Variants in CATSPERD observed in about 807,000 individuals in gnomAD.
CATSPERD encodes cation channel sperm-associated auxiliary subunit delta.
A neutral mutation model predicts 98.1 loss-of-function variants in CATSPERD; 86 were observed. That is an observed-to-expected ratio of 0.88 (90% confidence interval 0.74 to 1.05). CATSPERD has a LOEUF of 1.05. Ranked by LOEUF, CATSPERD falls within the 50% of genes least tolerant of loss-of-function variation. The pLI is 0.00. For synonymous variants in CATSPERD, 394 were observed against 390.2 expected, an observed-to-expected ratio of 1.01 and a Z score of -0.12; for missense variants, 995 against 1,005.7, an observed-to-expected ratio of 0.99 and a Z score of 0.14.
intron 11 of CATSPERD, among the ~76,000 whole-genome samples, chr19:5,750,649 G>A (rs1161684407): frequency 6.6e-6 from 1 of 151,474 alleles, no homozygotes; most frequent in African/African-American, 2.4e-5. Context: ...GCAGGAGAAT[G>A]GCTTGAACCC....
At chr19:5,756,982 G>A (rs938620333) in intron 13 of CATSPERD, among the ~76,000 whole-genome samples, 1 of 151,584 alleles carries the variant, frequency 6.6e-6, no homozygotes, top group Non-Finnish European at 1.5e-5. Flanking sequence ...AGGTGCGGTG[G>A]CTCACGCCTG....
Position 5,778,546 on chromosome 19 carries a change from A to G in CATSPERD, c.2267A>G (p.Lys756Arg). 6.2e-7 allele frequency: 1 copy of G among 1,613,998 alleles called. No individual in the cohort carries two copies. Among genetic ancestry groups the G allele is most frequent in the Non-Finnish European group, 8.5e-7 (1 of 1,180,034 alleles). The change falls in exon 22 of 22, where the codon AAG (lysine) becomes AGG (arginine). Residue 756 changes from lysine to arginine, a missense_variant. Lys to Arg is a conservative substitution (Grantham distance 26, BLOSUM62 2). Transcript: ENST00000381624. Reference protein sequence around the residue: ...LLRTARGRRIKKCATQLCRRC... With the variant: ...LLRTARGRRIRKCATQLCRRC... The stretch of plus-strand genomic sequence containing the variant: ...CGCACAGCACGCGGCCGCAGGATCA[A>G]GAAGTGTGCGACACAGCTGTGTAGG...
rs566777150 is a variant in CATSPERD, at chr19:5,739,842, A to AAAAAAAAAAAAG, written c.573+404_573+415dup. ...TGACAGAGCGAGACCTCATCTCAAAAAAAAAAAAAAAGTCCACTGGCTGGG... is the reference window on the plus strand; with the variant it reads ...TGACAGAGCGAGACCTCATCTCAAAAAAAAAAAAAAAGAAAAAAAAAAAGTCCACTGGCTGGG... On this transcript the variant is annotated intron_variant, in intron 7 of 21. Coordinates refer to ENST00000381624, the MANE Select transcript of CATSPERD (RefSeq NM_152784.4). Among the ~76,000 whole-genome samples the AAAAAAAAAAAAG allele has an allele frequency of 4.0e-3, 534 of 132,968 alleles. 18 individuals carry two copies. Among genetic ancestry groups the AAAAAAAAAAAAG allele is most frequent in the African/African-American group, 0.013 (457 of 34,528 alleles). 87.2% of individuals were successfully genotyped at this position (132,968 alleles called of 152,430 possible).
At chr19:5,772,986 T>C in intron 20 of CATSPERD, 21 bp downstream of exon 20, 1 of 1,608,838 alleles carries the variant, frequency 6.2e-7, no homozygotes, top group Non-Finnish European at 8.5e-7. Context: ...CCTAGGATCG[T>C]TTCCAGAAGA....
At chr19:5,725,354 T>C (rs556369005) in intron 2 of CATSPERD, among the ~76,000 whole-genome samples, 8 of 152,258 alleles carry the variant, frequency 5.3e-5, no homozygotes, top group African/African-American at 1.9e-4. Context: ...TTTTGCCATG[T>C]TGCCCAGGCT....
chr19:5,751,163 A>C (rs1318217887), intron 11 of CATSPERD, among the ~76,000 whole-genome samples: 2 of 114,518 alleles, frequency 1.7e-5, no homozygotes, highest in African/African-American at 3.4e-5. Flanking sequence ...GCGCCACTGC[A>C]CTCCAGCCCA....
At chr19:5,722,023 C>T (rs1346697217) in intron 1 of CATSPERD, among the ~76,000 whole-genome samples, 3 of 151,776 alleles carry the variant, frequency 2.0e-5, no homozygotes, top group African/African-American at 7.3e-5. Flanking sequence ...CACTGTTTTG[C>T]CCAGGCTGGT....
At position 5,763,063 on chromosome 19, in the gene CATSPERD, T is replaced by A. The variant is rs933380431; in HGVS notation, c.1428-152T>A. ...AAGGGTGGATGGATGGATGAATGGA[T>A]GGATGGGTGGGTGGAATGAATGGAT... On this transcript the variant is annotated intron_variant, in intron 15 of 21. Coordinates refer to ENST00000381624, the MANE Select transcript of CATSPERD (RefSeq NM_152784.4). The A allele has an allele frequency of 1.4e-5, 9 of 622,664 alleles. No homozygotes were observed. In the African/African-American group the frequency reaches 1.5e-4, roughly 10 times the overall value. 38.6% of individuals were successfully genotyped at this position (622,664 alleles called of 1,614,324 possible). A position where few individuals can be genotyped will look rare whatever the true frequency, so the allele number is the denominator to read the frequency against.
At chr19:5,760,215 A>G (rs905734586) in intron 15 of CATSPERD, among the ~76,000 whole-genome samples, 7 of 151,596 alleles carry the variant, frequency 4.6e-5, no homozygotes, top group Admixed American at 6.6e-5. Context: ...CCTGGCCAAC[A>G]TGGTGAAACT....
At chr19:5,768,319 A>ATTTT (rs2145850373) in intron 18 of CATSPERD, 77 bp downstream of exon 18, 2 of 564,836 alleles carry the variant, frequency 3.5e-6, no homozygotes, top group South Asian at 2.6e-5. Context: ...CAAATTAGGA[A>ATTTT]TTTTATTTAT....
chr19:5,760,353 T>C (rs2056410727), intron 15 of CATSPERD, among the ~76,000 whole-genome samples: 1 of 150,446 alleles, frequency 6.6e-6, no homozygotes, highest in African/African-American at 2.4e-5. Context: ...GAGCCGAGAT[T>C]GCGCCACTGA....
intron 15 of CATSPERD, among the ~76,000 whole-genome samples, chr19:5,760,036 T>A (rs2056404655): frequency 8.0e-6 from 1 of 125,256 alleles, no homozygotes; most frequent in South Asian, 2.8e-4. Flanking sequence ...ATTGTGGCAC[T>A]GCACTCCAGC....
chr19:5,760,988 T>A (rs1264269167), intron 15 of CATSPERD, among the ~76,000 whole-genome samples: 1 of 152,084 alleles, frequency 6.6e-6, no homozygotes, highest in Non-Finnish European at 1.5e-5. Context: ...TCTATCGAGT[T>A]TTCACTGCTT....
chr19:5,765,760 T>C (rs2436524), intron 16 of CATSPERD, among the ~76,000 whole-genome samples: 140,176 of 152,056 alleles, frequency 0.92, 64,752 homozygotes, highest in East Asian at 1. Context: ...TGCAGTGAGC[T>C]GAGACTGGGC....
chr19:5,746,214 A>C, intron 9 of CATSPERD, 151 bp downstream of exon 9: 1 of 817,238 alleles, frequency 1.2e-6, no homozygotes. Flanking sequence ...CAAGCCCATA[A>C]TCATTTAGTG....
intron 8 of CATSPERD, 70 bp downstream of exon 8, chr19:5,744,580 C>A: frequency 9.5e-7 from 1 of 1,050,336 alleles, no homozygotes; most frequent in Non-Finnish European, 1.4e-6. Flanking sequence ...TTACAACTCG[C>A]ACATTTTTAA....
At chr19:5,741,042 G>T (rs977404130) in intron 7 of CATSPERD, among the ~76,000 whole-genome samples, 2 of 151,638 alleles carry the variant, frequency 1.3e-5, no homozygotes, top group African/African-American at 4.9e-5. Context: ...CTGAGACAAC[G>T]CCATTGCACT....
At position 5,770,957 on chromosome 19, in the gene CATSPERD, C is replaced by A; in HGVS notation, c.1648C>A (p.Pro550Thr). Residue 550 changes from proline (P) to threonine (T), a missense_variant, in exon 19 of 22, where the codon CCC becomes ACC. Around this residue, in one of 3 missense-constraint regions of CATSPERD, gnomAD observed 762 missense variants for 773.7 expected, o/e 0.98. Transcript: ENST00000381624. ...GGTGTCTTGAAGGGAATTCTACGAC[C>A]CCGGCTTCCAGGGGCAGCAGTCCTC... ...SFIIEKEFYD[P>T]GFQGQQSSED... 2.5e-6 allele frequency: 4 copies of A among 1,609,834 alleles called. No homozygotes were observed. The highest frequency in any genetic ancestry group is 3.4e-6 in the Non-Finnish European group (4 of 1,178,190).
At position 5,768,344 on chromosome 19, in the gene CATSPERD, A is replaced by ATTTATTTAT. The variant is rs372798666; in HGVS notation, c.1634+104_1634+105insTATTTATTT. 1.6e-5 allele frequency: 11 copies of ATTTATTTAT among 686,736 alleles called. No homozygotes were observed. In the African/African-American group the frequency reaches 2.3e-4, roughly 15 times the overall value. 42.5% of individuals were successfully genotyped at this position (686,736 alleles called of 1,614,324 possible). A position where few individuals can be genotyped will look rare whatever the true frequency, so the allele number is the denominator to read the frequency against. Reference sequence around the variant, plus strand: ...ATTTTATTTATTTATTTATTTATTTATTATTATTATTGAGATGGAGTCTCG... The same window carrying ATTTATTTAT: ...ATTTTATTTATTTATTTATTTATTTATTTATTTATTTATTATTATTGAGATGGAGTCTCG... On this transcript the variant is annotated intron_variant, in intron 18 of 21. Coordinates refer to ENST00000381624, the MANE Select transcript of CATSPERD (RefSeq NM_152784.4).
Sources: gnomAD v4.1 joint callset for allele counts (sites outside exome capture counted in the v4.1 genomes callset) on GRCh38, gnomAD v4.1.1 for gene constraint, gnomAD v4.1.1 regional missense constraint, MANE v1.5 for transcripts, NCBI Gene and HGNC (gene_info 2026-07-23, HGNC 2026-07-21) for gene names.